The following ETV5 variants were observed in gnomAD, a reference collection of about 807,000 sequenced individuals.
The protein encoded by ETV5 is ETS translocation variant 5.
Under a neutral mutation model 70.0 loss-of-function variants are expected in ETV5, and 10 were observed. That is an observed-to-expected ratio of 0.14 (90% CI 0.09 to 0.24). ETV5 has a LOEUF of 0.24. ETV5 is among the 10% of genes least tolerant of loss of function. The pLI is 1.00. For missense variants in ETV5, 453 were observed against 651.2 expected, an observed-to-expected ratio of 0.70 and a Z score of 3.31; for synonymous variants, 216 against 242.2, an observed-to-expected ratio of 0.89 and a Z score of 1.01.
In ETV5 at chr3:186,105,420, A is replaced by G. The variant is rs1390674550; in HGVS notation, c.181+29T>C. ...TAAAAAGCACAGTAAAATGTTTTATATGGAAAATAGGACATCCATGAAACT... is the reference window on the plus strand; with the variant it reads ...TAAAAAGCACAGTAAAATGTTTTATGTGGAAAATAGGACATCCATGAAACT... On this transcript the variant is annotated intron_variant, in intron 4 of 12. Coordinates refer to ENST00000306376, the MANE Select transcript of ETV5 (RefSeq NM_004454.3). This position sits in a 1 kb window ranked among gnomAD's most constrained non-coding sequence, Gnocchi z 4.5. 6.2e-7 allele frequency: 1 copy of G among 1,613,360 alleles called. No homozygotes were observed. The highest frequency in any genetic ancestry group is 1.7e-5 in the Admixed American group (1 of 59,944).
intron 7 of ETV5, among the ~76,000 whole-genome samples, chr3:186,075,428 A>C (rs548253767): frequency 6.6e-6 from 1 of 152,254 alleles, no homozygotes; most frequent in Non-Finnish European, 1.5e-5. Context: ...ATAGCAATTT[A>C]CTTTAAGGGT....
chr3:186,097,902 A>T (rs1421976867), intron 5 of ETV5, among the ~76,000 whole-genome samples: 2 of 152,182 alleles, frequency 1.3e-5, no homozygotes, highest in African/African-American at 4.8e-5. Context: ...TCATTGAAAA[A>T]GTCTGCAAGT....
At chr3:186,071,045 AT>A (rs1225911089) in intron 7 of ETV5, among the ~76,000 whole-genome samples, 3 of 152,210 alleles carry the variant, frequency 2.0e-5, no homozygotes, top group Non-Finnish European at 1.5e-5. Context: ...CTAGTTATTT[AT>A]TTATTTGTCA....
intron 5 of ETV5, among the ~76,000 whole-genome samples, chr3:186,099,155 C>T (rs1448018891): frequency 6.6e-6 from 1 of 152,194 alleles, no homozygotes; most frequent in Non-Finnish European, 1.5e-5. Context: ...TGTCATTTGC[C>T]TGCCAGGCCC....
In ETV5 at chr3:186,054,006, C is replaced by T. The variant is rs533750244; in HGVS notation, c.1210-1875G>A. On this transcript the variant is annotated intron_variant, in intron 11 of 12. Coordinates refer to ENST00000306376, the MANE Select transcript of ETV5 (RefSeq NM_004454.3). The surrounding 1 kb of genome is among the most constrained non-coding windows in gnomAD (Gnocchi z 4.4). ...CTTGAATATTCTTCAACTTCAGCGG[C>T]CACCTCTCAGCTGTCACTTGCATAT... Among the ~76,000 whole-genome samples, 7 of 152,362 alleles carry T rather than the reference C, an allele frequency of 4.6e-5. No individual in the cohort carries two copies. In the South Asian group the frequency reaches 1.4e-3, roughly 32 times the overall value.
At chr3:186,103,088 T>C (rs1714497767) in intron 5 of ETV5, among the ~76,000 whole-genome samples, 1 of 152,198 alleles carries the variant, frequency 6.6e-6, no homozygotes, top group Admixed American at 6.5e-5. Context: ...AGACCTTTTC[T>C]AGGCTAGTCA....
chr3:186,051,583 T>C (rs1011912980), intron 12 of ETV5, among the ~76,000 whole-genome samples: 4 of 152,242 alleles, frequency 2.6e-5, no homozygotes, highest in African/African-American at 7.2e-5. Context: ...AAAAATCAGA[T>C]GCTCTTATTC....
intron 12 of ETV5, among the ~76,000 whole-genome samples, chr3:186,049,492 G>C (rs1031295145): frequency 3.3e-5 from 5 of 152,172 alleles, no homozygotes; most frequent in Non-Finnish European, 7.3e-5. Context: ...GTATGTGGCT[G>C]ATGAGACATC....
In ETV5 at chr3:186,105,512, A is replaced by T. The variant is rs1266467168; in HGVS notation, c.134-16T>A. 6.2e-7 allele frequency: 1 copy of T among 1,614,124 alleles called. No homozygotes were observed. The highest frequency in any genetic ancestry group is 2.2e-5 in the East Asian group (1 of 44,890). Reference sequence around the variant, plus strand: ...TGAAATAGCTCTGAAATTGAAAAAGAAGACCCCAGAATGAGGATATTTCTT... The same window carrying T: ...TGAAATAGCTCTGAAATTGAAAAAGTAGACCCCAGAATGAGGATATTTCTT... On this transcript the variant is annotated splice_polypyrimidine_tract_variant and intron_variant, in intron 3 of 12. Coordinates refer to ENST00000306376, the MANE Select transcript of ETV5 (RefSeq NM_004454.3). This position sits in a 1 kb window ranked among gnomAD's most constrained non-coding sequence, Gnocchi z 4.5.
chr3:186,090,620 A>C (rs1714160015), intron 5 of ETV5, among the ~76,000 whole-genome samples: 1 of 152,216 alleles, frequency 6.6e-6, no homozygotes, highest in South Asian at 2.1e-4. Context: ...TAGGACAAAT[A>C]GGTTGTCCAG....
intron 12 of ETV5, among the ~76,000 whole-genome samples, chr3:186,049,327 C>G (rs936847857): frequency 1.3e-5 from 2 of 152,214 alleles, no homozygotes; most frequent in African/African-American, 2.4e-5. Flanking sequence ...TAAGTATGTT[C>G]CAAAGCTGAA....
In ETV5 at chr3:186,105,410, A is replaced by G; in HGVS notation, c.181+39T>C. 1 of 1,612,864 alleles carries G rather than the reference A, an allele frequency of 6.2e-7. No homozygotes were observed. Among genetic ancestry groups the G allele is most frequent in the South Asian group, 1.1e-5 (1 of 90,790 alleles). Reference sequence around the variant, plus strand: ...TAAGTTTTATTAAAAAGCACAGTAAAATGTTTTATATGGAAAATAGGACAT... The same window carrying G: ...TAAGTTTTATTAAAAAGCACAGTAAGATGTTTTATATGGAAAATAGGACAT... On this transcript the variant is annotated intron_variant, in intron 4 of 12. Coordinates refer to ENST00000306376, the MANE Select transcript of ETV5 (RefSeq NM_004454.3). The surrounding 1 kb of genome is among the most constrained non-coding windows in gnomAD (Gnocchi z 4.5).
At chr3:186,065,006 G>A (rs539282333) in intron 8 of ETV5, among the ~76,000 whole-genome samples, 23 of 152,302 alleles carry the variant, frequency 1.5e-4, no homozygotes, top group African/African-American at 5.3e-4. Context: ...CATTGGAAGG[G>A]GTAGAGGATT....
At chr3:186,053,061 T>C (rs1174348656) in intron 11 of ETV5, among the ~76,000 whole-genome samples, 1 of 152,046 alleles carries the variant, frequency 6.6e-6, no homozygotes, top group South Asian at 2.1e-4. Flanking sequence ...AGGTCAGTTT[T>C]GGAAACTTAA....
At chr3:186,098,238 C>A (rs1453761782) in intron 5 of ETV5, among the ~76,000 whole-genome samples, 2 of 152,226 alleles carry the variant, frequency 1.3e-5, no homozygotes, top group Non-Finnish European at 2.9e-5. Flanking sequence ...ATGTGCCCCT[C>A]GGTTCAGAAT....
chr3:186,087,266 G>A (rs1293612434), intron 5 of ETV5, among the ~76,000 whole-genome samples: 1 of 152,124 alleles, frequency 6.6e-6, no homozygotes, highest in Non-Finnish European at 1.5e-5. Context: ...TGCCATGTAA[G>A]TCCATTTATA....
chr3:186,084,282 T>TAAAAAAA (rs11327778), intron 5 of ETV5: 7 of 217,766 alleles, frequency 3.2e-5, no homozygotes, highest in Non-Finnish European at 5.3e-5. Flanking sequence ...AAAGAAATGC[T>TAAAAAAA]AAAAAAAAAA....
chr3:186,054,001 A>G lies in ETV5; in HGVS notation c.1210-1870T>C, dbSNP rs1417303563. Among the ~76,000 whole-genome samples, 1 of 152,236 alleles carries G rather than the reference A, an allele frequency of 6.6e-6. No individual in the cohort carries two copies. Among genetic ancestry groups the G allele is most frequent in the Non-Finnish European group, 1.5e-5 (1 of 68,042 alleles). On this transcript the variant is annotated intron_variant, in intron 11 of 12. Coordinates refer to ENST00000306376, the MANE Select transcript of ETV5 (RefSeq NM_004454.3). The surrounding 1 kb of genome is among the most constrained non-coding windows in gnomAD (Gnocchi z 4.4). ...CAATCCTTGAATATTCTTCAACTTCAGCGGCCACCTCTCAGCTGTCACTTG... is the reference window on the plus strand; with the variant it reads ...CAATCCTTGAATATTCTTCAACTTCGGCGGCCACCTCTCAGCTGTCACTTG...
chr3:186,084,515 G>A (rs1478772001), intron 5 of ETV5, among the ~76,000 whole-genome samples: 1 of 152,068 alleles, frequency 6.6e-6, no homozygotes, highest in African/African-American at 2.4e-5. Context: ...TCTTCGATGG[G>A]CCAGGTATTC....
Sources: gnomAD v4.1 joint callset for allele counts (sites outside exome capture counted in the v4.1 genomes callset) on GRCh38, gnomAD v4.1.1 for gene constraint, Gnocchi (gnomAD v3.1) non-coding constraint, MANE v1.5 for transcripts, NCBI Gene and HGNC (gene_info 2026-07-23, HGNC 2026-07-21) for gene names.